The following USP3 variants were observed in gnomAD, a reference collection of about 807,000 sequenced individuals.
USP3 encodes ubiquitin specific peptidase 3, also known as ubiquitin carboxyl-terminal hydrolase 3.
A neutral mutation model predicts 72.3 loss-of-function variants in USP3; 20 were observed. The observed-to-expected ratio is 0.28, with a 90% CI of 0.19 to 0.40. The LOEUF (loss-of-function observed/expected upper bound fraction) is 0.40, where lower values mean the gene tolerates loss of function less well. USP3 is among the 10% of genes least tolerant of loss of function. The pLI is 1.00. For synonymous variants in USP3, 222 were observed against 225.3 expected (o/e 0.99, Z 0.13); for missense variants, 479 against 633.9 (o/e 0.76, Z 2.62).
intron 11 of USP3, among the ~76,000 whole-genome samples, chr15:63,575,985 CT>C (rs35737078): frequency 0.46 from 54,515 of 119,298 alleles, 10,282 homozygotes; most frequent in African/African-American, 0.52. Context: ...CTGAACAATA[CT>C]TTTTTTTTTT....
intron 3 of USP3, among the ~76,000 whole-genome samples, chr15:63,543,323 CAAT>C (rs2066273440): frequency 6.6e-6 from 1 of 151,978 alleles, no homozygotes; most frequent in Admixed American, 6.6e-5. Context: ...ACATTTTACT[CAAT>C]AAGTAACATT....
At chr15:63,538,666 C>G (rs2066196490) in intron 3 of USP3, among the ~76,000 whole-genome samples, 1 of 151,862 alleles carries the variant, frequency 6.6e-6, no homozygotes, top group Non-Finnish European at 1.5e-5. Context: ...CTGCCTCAGC[C>G]TCCTGAGTAG....
At chr15:63,515,417 G>A (rs2065838320) in intron 1 of USP3, 1 of 152,252 alleles carries the variant, frequency 6.6e-6, no homozygotes, top group Admixed American at 6.5e-5. Context: ...CAGCCAGTTG[G>A]GGGTTGGGGG....
intron 3 of USP3, among the ~76,000 whole-genome samples, chr15:63,539,912 C>T (rs149689646): frequency 3.1e-4 from 47 of 152,320 alleles, no homozygotes; most frequent in South Asian, 2.7e-3. Flanking sequence ...ACATTCCTCC[C>T]ACACCTCACT....
At chr15:63,504,874 C>G (rs1312383894) in intron 1 of USP3, 44 bp downstream of exon 1, 2 of 1,485,438 alleles carry the variant, frequency 1.3e-6, no homozygotes, top group Admixed American at 2.1e-5. Context: ...CCCGAGGCCG[C>G]GGCTCTGCCG....
chr15:63,560,532 T>C (rs973245624), intron 7 of USP3, among the ~76,000 whole-genome samples: 6 of 152,138 alleles, frequency 3.9e-5, no homozygotes, highest in Non-Finnish European at 7.4e-5. Context: ...CATCTAGATA[T>C]GAAGTGCAGT....
chr15:63,585,336 A>T (rs2067037808), intron 11 of USP3, among the ~76,000 whole-genome samples: 1 of 152,194 alleles, frequency 6.6e-6, no homozygotes, highest in South Asian at 2.1e-4. Context: ...CATGTTAACA[A>T]CATCAAGTCT....
At chr15:63,581,670 CA>C (rs2066966180) in intron 11 of USP3, among the ~76,000 whole-genome samples, 1 of 149,450 alleles carries the variant, frequency 6.7e-6, no homozygotes, top group African/African-American at 2.5e-5. Context: ...GCTGGGATTA[CA>C]GGTGTGAGCC....
At chr15:63,539,931 G>T (rs1428026029) in intron 3 of USP3, among the ~76,000 whole-genome samples, 1 of 152,226 alleles carries the variant, frequency 6.6e-6, no homozygotes, top group Non-Finnish European at 1.5e-5. Context: ...CTGTGATGAA[G>T]AAACAGATTT....
Position 63,515,386 on chromosome 15 carries a change from T to C in USP3, c.91+10556T>C, listed in dbSNP as rs1366977258. ...ATGGTGAAAGCATAAGGAATCCATT[T>C]AAAAATAGAGTAAAATGCTACAGCC... On this transcript the variant is annotated intron_variant, in intron 1 of 14. Transcript: ENST00000380324. 2.0e-5 allele frequency: 3 copies of C among 152,236 alleles called. No homozygotes were observed. In the East Asian group the frequency reaches 5.8e-4, roughly 29 times the overall value. The allele number at this position is 152,236 out of a possible 1,614,324, so 9.4% of individuals were successfully genotyped here.
chr15:63,535,738 A>G (rs531597439), intron 2 of USP3, among the ~76,000 whole-genome samples: 2 of 152,352 alleles, frequency 1.3e-5, no homozygotes, highest in African/African-American at 4.8e-5. Flanking sequence ...TTTCCTGGGT[A>G]GAGGGGCTAG....
intron 1 of USP3, 64 bp downstream of exon 1, chr15:63,504,894 T>C (rs574960979): frequency 1.6e-6 from 2 of 1,264,604 alleles, no homozygotes; most frequent in South Asian, 5.0e-5. Context: ...GGGCCTGCCG[T>C]CTAGGGGCCG....
intron 1 of USP3, among the ~76,000 whole-genome samples, chr15:63,516,113 A>C (rs2065847480): frequency 6.6e-6 from 1 of 151,952 alleles, no homozygotes; most frequent in Admixed American, 6.6e-5. Context: ...CCAACATTTT[A>C]TTTTTTCTTG....
At chr15:63,562,611 G>A (rs1447924451) in intron 7 of USP3, among the ~76,000 whole-genome samples, 4 of 152,230 alleles carry the variant, frequency 2.6e-5, no homozygotes, top group African/African-American at 9.6e-5. Flanking sequence ...CTCACCCAGT[G>A]CTGTATGGTT....
In USP3 at chr15:63,588,506, T is replaced by C. The variant is rs769834467; in HGVS notation, c.1215+83T>C. ...AGACCATGTCTATAACTTTACACTA[T>C]GTGAACTGTTCTGTATTTTTCTCTA... On this transcript the variant is annotated intron_variant, in intron 12 of 14. Coordinates refer to ENST00000380324, the MANE Select transcript of USP3 (RefSeq NM_006537.4). The surrounding 1 kb of genome is among the most constrained non-coding windows in gnomAD (Gnocchi z 4.6). 1.8e-6 allele frequency: 2 copies of C among 1,093,442 alleles called. No homozygotes were observed. The highest frequency in any genetic ancestry group is 2.7e-6 in the Non-Finnish European group (2 of 741,500). 67.7% of individuals were successfully genotyped at this position (1,093,442 alleles called of 1,614,324 possible).
intron 14 of USP3, among the ~76,000 whole-genome samples, chr15:63,590,452 C>T (rs74018136): frequency 0.012 from 1,794 of 152,262 alleles, 32 homozygotes; most frequent in African/African-American, 0.042. Context: ...CTGTTTTCTC[C>T]ATTAGTCCAG....
At position 63,534,839 on chromosome 15, in the gene USP3, T is replaced by C. The variant is rs562564447; in HGVS notation, c.152+2132T>C. 3.9e-5 allele frequency among the ~76,000 whole-genome samples: 6 copies of C among 152,288 alleles called. No individual in the cohort carries two copies. In the South Asian group the frequency reaches 1.2e-3, roughly 32 times the overall value. On this transcript the variant is annotated intron_variant, in intron 2 of 14. Transcript: ENST00000380324. ...TGTTGTTTTTCATGGTTTAGTATTATAAATATATATGATAAGAATAGGTGA... is the reference window on the plus strand; with the variant it reads ...TGTTGTTTTTCATGGTTTAGTATTACAAATATATATGATAAGAATAGGTGA...
intron 3 of USP3, among the ~76,000 whole-genome samples, chr15:63,549,249 T>C (rs989245786): frequency 1.3e-5 from 2 of 152,202 alleles, no homozygotes; most frequent in Admixed American, 1.3e-4. Flanking sequence ...TTTAGATTCA[T>C]AAAAATTGCA....
intron 1 of USP3, among the ~76,000 whole-genome samples, chr15:63,525,672 G>A (rs2065972028): frequency 6.6e-6 from 1 of 152,190 alleles, no homozygotes; most frequent in South Asian, 2.1e-4. Context: ...ATAGGCTTGT[G>A]AACATGCAGT....
Sources: allele counts gnomAD v4.1 joint callset (sites outside exome capture counted in the v4.1 genomes callset), GRCh38; gene constraint gnomAD v4.1.1; non-coding constraint Gnocchi (gnomAD v3.1); transcripts MANE v1.5; gene names NCBI Gene and HGNC (gene_info 2026-07-23, HGNC 2026-07-21).